CA12: variants seen among roughly 807,000 people sequenced by gnomAD.
CA12 encodes carbonic anhydrase 12, also known as carbonate dehydratase XII.
CA12 carries 36 observed loss-of-function variants against 46.8 expected under a neutral mutation model. That is an observed-to-expected ratio of 0.77 (90% CI 0.59 to 1.02). CA12 has a LOEUF of 1.02. Among genes scored for constraint, CA12 ranks in the 50% least tolerant of loss-of-function variants. The pLI is 0.00. For synonymous variants in CA12, 202 were observed against 187.0 expected (o/e 1.08, Z -0.65); for missense variants, 436 against 451.4 (o/e 0.97, Z 0.31).
In CA12 at chr15:63,341,679, C is replaced by G. The variant is rs2152616307; in HGVS notation, c.525+323G>C. On this transcript the variant is annotated intron_variant, in intron 5 of 10. Transcript: ENST00000178638. The surrounding 1 kb of genome is among the most constrained non-coding windows in gnomAD (Gnocchi z 5.2). ...TCAAGAGTTCAGGCATCTGATGGGG[C>G]AGATGGAGTTTGATGATCCCTTTCC... is the stretch of plus-strand genomic sequence containing the variant. Among the ~76,000 whole-genome samples, 1 of 152,300 alleles carries G rather than the reference C, an allele frequency of 6.6e-6. No homozygotes were observed. Among genetic ancestry groups the G allele is most frequent in the South Asian group, 2.1e-4 (1 of 4,826 alleles).
Position 63,329,280 on chromosome 15 carries a change from T to C in CA12, c.875-1150A>G, listed in dbSNP as rs750868519. Among the ~76,000 whole-genome samples, 3 of 152,184 alleles carry C rather than the reference T, an allele frequency of 2.0e-5. No homozygotes were observed. The highest frequency in any genetic ancestry group is 2.9e-5 in the Non-Finnish European group (2 of 68,024). On this transcript the variant is annotated intron_variant, in intron 8 of 10. Transcript: ENST00000178638. This position sits in a 1 kb window ranked among gnomAD's most constrained non-coding sequence, Gnocchi z 4.8. The stretch of plus-strand genomic sequence containing the variant: ...ACGGCTTCAACCAGCAAGTTACTGT[T>C]GAGGATAAATAAGGTGAGAGAGAAG...
Position 63,340,677 on chromosome 15 carries a change from CCTT to C in CA12, c.589+40_589+42del, listed in dbSNP as rs750273598. 2 of 1,589,540 alleles carry C rather than the reference CCTT, an allele frequency of 1.3e-6. No homozygotes were observed. On this transcript the variant is annotated intron_variant, in intron 6 of 10. Coordinates refer to ENST00000178638, the MANE Select transcript of CA12 (RefSeq NM_001218.5). The surrounding 1 kb of genome is among the most constrained non-coding windows in gnomAD (Gnocchi z 4.4). ...TAAAGTCACACAGGGCTGACTACCTCCTTCTCCAGCAGAGAGTGAATATGCATG... is the reference window on the plus strand; with the variant it reads ...TAAAGTCACACAGGGCTGACTACCTCCTCCAGCAGAGAGTGAATATGCATG...
At position 63,355,091 on chromosome 15, in the gene CA12, C is replaced by A. The variant is rs6494401; in HGVS notation, c.107-8382G>T. Among the ~76,000 whole-genome samples the A allele has an allele frequency of 0.038, 5,443 of 143,338 alleles. 239 individuals are homozygous for A. The highest frequency in any genetic ancestry group is 0.14 in the South Asian group (653 of 4,748). 94.0% of individuals were successfully genotyped at this position (143,338 alleles called of 152,430 possible). On this transcript the variant is annotated intron_variant, in intron 2 of 10. Transcript: ENST00000178638. This position sits in a 1 kb window ranked among gnomAD's most constrained non-coding sequence, Gnocchi z 4.1. ...CTAACCTCCTCTTAGGTTCTCATGACCTGTGACCTTAGAGTATGTTCATCG... is the reference window on the plus strand; with the variant it reads ...CTAACCTCCTCTTAGGTTCTCATGAACTGTGACCTTAGAGTATGTTCATCG...
Position 63,327,509 on chromosome 15 carries a change from T to G in CA12, c.908-276A>C, listed in dbSNP as rs1337432482. ...TTGTTTAAAATGTAGGGTTTTTTTTTTTTTTTTAGCCCAACCCCCAGAGAT... is the reference window on the plus strand; with the variant it reads ...TTGTTTAAAATGTAGGGTTTTTTTTGTTTTTTTAGCCCAACCCCCAGAGAT... On this transcript the variant is annotated intron_variant, in intron 9 of 10. Coordinates refer to ENST00000178638, the MANE Select transcript of CA12 (RefSeq NM_001218.5). This position sits in a 1 kb window ranked among gnomAD's most constrained non-coding sequence, Gnocchi z 4.5. Among the ~76,000 whole-genome samples, 4 of 151,842 alleles carry G rather than the reference T, an allele frequency of 2.6e-5. No homozygotes were observed. Among genetic ancestry groups the G allele is most frequent in the Admixed American group, 2.6e-4 (4 of 15,232 alleles).
intron 2 of CA12, among the ~76,000 whole-genome samples, chr15:63,361,740 C>G (rs922293529): frequency 2.0e-5 from 3 of 152,122 alleles, no homozygotes; most frequent in Non-Finnish European, 4.4e-5. Flanking sequence ...TGGGAGAACA[C>G]AGTCAGGAGG....
chr15:63,369,231 A>G (rs372793643), intron 2 of CA12, among the ~76,000 whole-genome samples: 51 of 152,358 alleles, frequency 3.3e-4, no homozygotes, highest in African/African-American at 1.1e-3. Flanking sequence ...CCTGGCTGTA[A>G]AAACTCACAA....
Position 63,372,053 on chromosome 15 carries a change from C to T in CA12, c.106+3605G>A, listed in dbSNP as rs903671645. Among the ~76,000 whole-genome samples the T allele has an allele frequency of 6.6e-6, 1 of 152,168 alleles. No homozygotes were observed. The highest frequency in any genetic ancestry group is 2.4e-5 in the African/African-American group (1 of 41,432). ...TCAAAAACTGACTGCAGCACCCACA[C>T]CAAGGACCTGAACGTGCCCACAACC... On this transcript the variant is annotated intron_variant, in intron 2 of 10. Coordinates refer to ENST00000178638, the MANE Select transcript of CA12 (RefSeq NM_001218.5). This position sits in a 1 kb window ranked among gnomAD's most constrained non-coding sequence, Gnocchi z 4.5.
At chr15:63,326,596 A>G (rs1333226986) in intron 10 of CA12, among the ~76,000 whole-genome samples, 2 of 152,084 alleles carry the variant, frequency 1.3e-5, no homozygotes, top group African/African-American at 4.8e-5. Context: ...CTATATTTTG[A>G]AAGAGGTCTC....
intron 2 of CA12, among the ~76,000 whole-genome samples, chr15:63,350,939 TA>T (rs1343961003): frequency 6.6e-6 from 1 of 152,204 alleles, no homozygotes; most frequent in Non-Finnish European, 1.5e-5. Context: ...TATGTTTCTC[TA>T]AAACATAAGG....
intron 8 of CA12, among the ~76,000 whole-genome samples, chr15:63,333,230 G>A (rs905155702): frequency 6.6e-6 from 1 of 152,228 alleles, no homozygotes; most frequent in African/African-American, 2.4e-5. Context: ...ATGGGGCTGT[G>A]GGGAGATGAT....
intron 8 of CA12, among the ~76,000 whole-genome samples, chr15:63,337,189 T>C (rs1406254006): frequency 2.6e-5 from 4 of 152,232 alleles, no homozygotes; most frequent in South Asian, 2.1e-4. Context: ...CTTAATTAGT[T>C]GTACCTGGAG....
intron 2 of CA12, among the ~76,000 whole-genome samples, chr15:63,361,197 C>A (rs566512013): frequency 5.9e-5 from 9 of 152,304 alleles, no homozygotes; most frequent in African/African-American, 2.2e-4. Flanking sequence ...GAAGTGTAGC[C>A]CCCAACGGAG....
chr15:63,347,713 A>T (rs1310146945), intron 2 of CA12, among the ~76,000 whole-genome samples: 1 of 152,196 alleles, frequency 6.6e-6, no homozygotes, highest in African/African-American at 2.4e-5. Context: ...CACGGTAATT[A>T]AACAGACTTT....
intron 2 of CA12, among the ~76,000 whole-genome samples, chr15:63,362,138 CAAAT>C (rs1396003267): frequency 2.0e-5 from 3 of 152,122 alleles, no homozygotes; most frequent in Non-Finnish European, 4.4e-5. Context: ...AATATGCAAA[CAAAT>C]GAATGTAGCT....
In CA12 at chr15:63,360,281, C is replaced by T. The variant is rs576135140; in HGVS notation, c.107-13572G>A. Among the ~76,000 whole-genome samples the T allele has an allele frequency of 2.0e-5, 3 of 152,310 alleles. No individual in the cohort carries two copies. In the East Asian group the frequency reaches 5.8e-4, roughly 29 times the overall value. ...GCATCATTGGCTGAGGAACTCAAGG[C>T]TTGGGAAACCTCATTCTTTTAAAGG... is the stretch of plus-strand genomic sequence containing the variant. On this transcript the variant is annotated intron_variant, in intron 2 of 10. Transcript: ENST00000178638.
chr15:63,375,177 C>T (rs1169198402), intron 2 of CA12, among the ~76,000 whole-genome samples: 1 of 152,238 alleles, frequency 6.6e-6, no homozygotes, highest in Non-Finnish European at 1.5e-5. Flanking sequence ...ACCTCTTCAT[C>T]CATCGCTAGC....
In CA12 at chr15:63,341,937, A is replaced by C; in HGVS notation, c.525+65T>G. 8.8e-7 allele frequency: 1 copy of C among 1,136,188 alleles called. No homozygotes were observed. The highest frequency in any genetic ancestry group is 1.3e-6 in the Non-Finnish European group (1 of 751,454). 70.4% of individuals were successfully genotyped at this position (1,136,188 alleles called of 1,614,324 possible). A position where few individuals can be genotyped will look rare whatever the true frequency, so the allele number is the denominator to read the frequency against. On this transcript the variant is annotated intron_variant, in intron 5 of 10. Coordinates refer to ENST00000178638, the MANE Select transcript of CA12 (RefSeq NM_001218.5). This position sits in a 1 kb window ranked among gnomAD's most constrained non-coding sequence, Gnocchi z 5.2. ...TTATCAACAGGTATGCATGGAACAA[A>C]AGGTGGAATCCCAATCTCATCCCTG... is the stretch of plus-strand genomic sequence containing the variant.
chr15:63,355,277 C>A lies in CA12; in HGVS notation c.107-8568G>T, dbSNP rs908794075. On this transcript the variant is annotated intron_variant, in intron 2 of 10. Transcript: ENST00000178638. This position sits in a 1 kb window ranked among gnomAD's most constrained non-coding sequence, Gnocchi z 4.1. ...CTCGCTGGGGCAGGGCAAAGGGTTT[C>A]CCCCTCTTCTGTGCTCCTATACAGC... 1.1e-4 allele frequency among the ~76,000 whole-genome samples: 17 copies of A among 152,210 alleles called. No homozygotes were observed. The highest frequency in any genetic ancestry group is 3.9e-4 in the African/African-American group (16 of 41,450).
intron 2 of CA12, among the ~76,000 whole-genome samples, chr15:63,369,188 C>A (rs768231751): frequency 1.3e-5 from 2 of 152,168 alleles, no homozygotes; most frequent in African/African-American, 2.4e-5. Context: ...AAGGAAATAC[C>A]CTTTGTTTAT....
Sources: gnomAD v4.1 joint callset for allele counts (sites outside exome capture counted in the v4.1 genomes callset) on GRCh38, gnomAD v4.1.1 for gene constraint, Gnocchi (gnomAD v3.1) non-coding constraint, MANE v1.5 for transcripts, NCBI Gene and HGNC (gene_info 2026-07-23, HGNC 2026-07-21) for gene names.